Variants in ARHGEF10L observed in about 807,000 individuals in gnomAD.
ARHGEF10L encodes the protein rho guanine nucleotide exchange factor 10-like protein.
ARHGEF10L carries 69 observed loss-of-function variants against 141.2 expected under a neutral mutation model. That is an observed-to-expected ratio of 0.49 (90% confidence interval 0.40 to 0.60). The LOEUF (loss-of-function observed/expected upper bound fraction) is 0.60. Among genes scored for constraint, ARHGEF10L ranks in the 20% least tolerant of loss-of-function variants. The pLI is 0.00. For missense variants in ARHGEF10L, 1,482 were observed against 1,734.3 expected (o/e 0.85, Z 2.58); for synonymous variants, 711 against 718.5 (o/e 0.99, Z 0.17).
At chr1:17,677,514 A>G (rs2102371800) in intron 26 of ARHGEF10L, among the ~76,000 whole-genome samples, 1 of 152,288 alleles carries the variant, frequency 6.6e-6, no homozygotes, top group South Asian at 2.1e-4. Context: ...CTGGAGCTTT[A>G]GTCCCTGTGC....
At chr1:17,652,682 C>T (rs1172194481) in intron 22 of ARHGEF10L, among the ~76,000 whole-genome samples, 1 of 152,010 alleles carries the variant, frequency 6.6e-6, no homozygotes, top group Admixed American at 6.5e-5. Context: ...AATGCTGTCT[C>T]TGGAGGGGTG....
At chr1:17,614,159 T>C (rs759085005) in intron 8 of ARHGEF10L, among the ~76,000 whole-genome samples, 3 of 152,194 alleles carry the variant, frequency 2.0e-5, no homozygotes, top group Non-Finnish European at 4.4e-5. Context: ...AGCTCAAACG[T>C]CCTCCATCCT....
chr1:17,615,859 C>A lies in ARHGEF10L; in HGVS notation c.727-235C>A. 2 of 509,618 alleles carry A rather than the reference C, an allele frequency of 3.9e-6. No individual in the cohort carries two copies. The highest frequency in any genetic ancestry group is 4.8e-5 in the South Asian group (2 of 41,698). The allele number at this position is 509,618 out of a possible 1,614,324, so 31.6% of individuals were successfully genotyped here. ...TTAGAAATCTGCTCACATAGTCTGTCCTGAAAGGAAAAAAATCGGTTACAG... is the reference window on the plus strand; with the variant it reads ...TTAGAAATCTGCTCACATAGTCTGTACTGAAAGGAAAAAAATCGGTTACAG... On this transcript the variant is annotated intron_variant, in intron 8 of 28. Transcript: ENST00000361221. The surrounding 1 kb of genome is among the most constrained non-coding windows in gnomAD (Gnocchi z 4.7).
chr1:17,589,768 A>G (rs1227589696), intron 4 of ARHGEF10L, among the ~76,000 whole-genome samples: 3 of 152,128 alleles, frequency 2.0e-5, no homozygotes, highest in African/African-American at 7.2e-5. Flanking sequence ...AAGGGTTTAT[A>G]TCTCCAGGGT....
chr1:17,689,117 C>G (rs183522619), intron 27 of ARHGEF10L, among the ~76,000 whole-genome samples: 1 of 152,100 alleles, frequency 6.6e-6, no homozygotes, highest in African/African-American at 2.4e-5. Flanking sequence ...CGTGGTCATG[C>G]AGTAGACCAG....
At chr1:17,541,152 CT>C (rs2076713485) in intron 1 of ARHGEF10L, among the ~76,000 whole-genome samples, 1 of 152,188 alleles carries the variant, frequency 6.6e-6, no homozygotes, top group Admixed American at 6.5e-5. Context: ...CTGAGGCCCC[CT>C]GTCCCTTCCC....
Position 17,657,848 on chromosome 1 carries a change from C to T in ARHGEF10L, c.2860+1140C>T, listed in dbSNP as rs2062371493. On this transcript the variant is annotated intron_variant, in intron 25 of 28. Transcript: ENST00000361221. ...CACTGTGAGCCCGGCCTGTGCCACC[C>T]TGGCGCTCTGGTCCCCAGCTTGGGT... 2.6e-5 allele frequency among the ~76,000 whole-genome samples: 4 copies of T among 152,232 alleles called. No individual in the cohort carries two copies. The South Asian group carries it at 6.2e-4, about 24-fold the overall frequency.
chr1:17,616,491 G>A (rs571044592), intron 9 of ARHGEF10L, among the ~76,000 whole-genome samples: 3 of 152,278 alleles, frequency 2.0e-5, no homozygotes, highest in East Asian at 1.9e-4. Context: ...TGCCCCCTGC[G>A]CTGTCTGGCT....
rs75251351 is a variant in ARHGEF10L at position 17,667,551 on chromosome 1, A to G, written c.3009+2956A>G. Among the ~76,000 whole-genome samples the G allele has an allele frequency of 2.9e-3, 445 of 152,362 alleles. 14 individuals are homozygous for G. In the East Asian group the frequency reaches 0.072, roughly 25 times the overall value. ...AGGACATTCTCTCAGTGCTGCCAGTAGGAGAATTGGGGCACACCAGGTAGG... is the reference window on the plus strand; with the variant it reads ...AGGACATTCTCTCAGTGCTGCCAGTGGGAGAATTGGGGCACACCAGGTAGG... On this transcript the variant is annotated intron_variant, in intron 26 of 28. Transcript: ENST00000361221.
intron 21 of ARHGEF10L, among the ~76,000 whole-genome samples, chr1:17,647,579 A>C (rs1475620535): frequency 1.3e-5 from 2 of 152,108 alleles, no homozygotes; most frequent in East Asian, 1.9e-4. Context: ...AGCACTCGCT[A>C]TGTGCCTTGC....
At chr1:17,670,745 G>A (rs74727585) in intron 26 of ARHGEF10L, among the ~76,000 whole-genome samples, 3,155 of 152,330 alleles carry the variant, frequency 0.021, 117 homozygotes, top group African/African-American at 0.072. Flanking sequence ...GCAACGCTGA[G>A]GAGTGACCCG....
chr1:17,558,709 G>A lies in ARHGEF10L; in HGVS notation c.-44+18759G>A, dbSNP rs1016823860. 6.6e-6 allele frequency among the ~76,000 whole-genome samples: 1 copy of A among 152,222 alleles called. No individual in the cohort carries two copies. The highest frequency in any genetic ancestry group is 2.4e-5 in the African/African-American group (1 of 41,454). On this transcript the variant is annotated intron_variant, in intron 1 of 28. Transcript: ENST00000361221. The surrounding 1 kb of genome is among the most constrained non-coding windows in gnomAD (Gnocchi z 4.2). ...TTGGTTTTGCAAGTGGTCCCACGAG[G>A]TCTGGGCCTCAGTAGATGCTTAGCC... is the stretch of plus-strand genomic sequence containing the variant.
intron 15 of ARHGEF10L, among the ~76,000 whole-genome samples, chr1:17,629,727 G>A (rs2060575571): frequency 6.6e-6 from 1 of 152,186 alleles, no homozygotes; most frequent in African/African-American, 2.4e-5. Flanking sequence ...CAAGCCTCGA[G>A]TTTGGAATGT....
chr1:17,588,473 G>T lies in ARHGEF10L; in HGVS notation c.251G>T (p.Gly84Val). The T allele has an allele frequency of 6.2e-7, 1 of 1,614,008 alleles. No homozygotes were observed. Among genetic ancestry groups the T allele is most frequent in the Non-Finnish European group, 8.5e-7 (1 of 1,179,932 alleles). Residue 84 changes from glycine to valine, a missense_variant, in exon 4 of 29, where the codon GGC (glycine) becomes GTC (valine). Around this residue, in one of 3 missense-constraint regions of ARHGEF10L, gnomAD observed 232 missense variants for 225.9 expected, o/e 1.03. Transcript: ENST00000361221. ...CCAGACCCAGCAGCTGCTCCACCCG[G>T]CACAGGGTAAGTGAACCTTGCTCCT... ...TDPDPAAAPP[G>V]TGVPAWVSNG... is the part of the protein sequence containing the mutation.
chr1:17,530,928 A>G, the ARHGEF10L span, among the ~76,000 whole-genome samples: 1,504 of 152,020 alleles, frequency 9.9e-3, 24 homozygotes, highest in African/African-American at 0.035. Context: ...TTGCTTGAAC[A>G]CGGGAGGCAG....
chr1:17,660,727 T>A (rs1435942997), intron 25 of ARHGEF10L, among the ~76,000 whole-genome samples: 1 of 152,196 alleles, frequency 6.6e-6, no homozygotes, highest in Admixed American at 6.5e-5. Flanking sequence ...TTCATCTCCC[T>A]GGCGCTGGCC....
intron 6 of ARHGEF10L, among the ~76,000 whole-genome samples, chr1:17,605,731 G>A (rs1047037176): frequency 2.0e-5 from 3 of 152,246 alleles, no homozygotes; most frequent in Middle Eastern, 3.4e-3. Flanking sequence ...TTGGGTGCAC[G>A]GCTCAGCCCT....
chr1:17,609,408 G>A (rs1004306347), intron 7 of ARHGEF10L, among the ~76,000 whole-genome samples: 1 of 152,190 alleles, frequency 6.6e-6, no homozygotes, highest in African/African-American at 2.4e-5. Context: ...GCCAAAAAGC[G>A]AAGCATTTAC....
chr1:17,556,566 A>T (rs966719143), intron 1 of ARHGEF10L, among the ~76,000 whole-genome samples: 1 of 152,156 alleles, frequency 6.6e-6, no homozygotes, highest in Non-Finnish European at 1.5e-5. Flanking sequence ...TTGCCCCATC[A>T]GGAACTTTTC....
Sources: allele counts gnomAD v4.1 joint callset (sites outside exome capture counted in the v4.1 genomes callset), GRCh38; gene constraint gnomAD v4.1.1; regional missense constraint gnomAD v4.1.1; non-coding constraint Gnocchi (gnomAD v3.1); transcripts MANE v1.5; gene names NCBI Gene and HGNC (gene_info 2026-07-23, HGNC 2026-07-21).